Variants in OLA1 observed in about 807,000 individuals in gnomAD.
OLA1 encodes obg-like ATPase 1.
A neutral mutation model predicts 48.4 loss-of-function variants in OLA1; 14 were observed. The observed-to-expected ratio is 0.29, with a 90% confidence interval of 0.19 to 0.45. The LOEUF is 0.45. Among genes scored for constraint, OLA1 ranks in the 20% least tolerant of loss-of-function variants. The pLI, the probability that OLA1 is intolerant of heterozygous loss-of-function variation, is 1.00. For missense variants in OLA1, 325 were observed against 467.1 expected (o/e 0.70, Z 2.80); for synonymous variants, 127 against 150.4 (o/e 0.84, Z 1.14).
chr2:174,082,413 TA>T (rs1382809710), intron 7 of OLA1, among the ~76,000 whole-genome samples: 1 of 152,158 alleles, frequency 6.6e-6, no homozygotes, highest in African/African-American at 2.4e-5. Flanking sequence ...CTTTACAAAG[TA>T]AATTTTTAAA....
chr2:174,222,088 T>C (rs1018610558), intron 4 of OLA1, among the ~76,000 whole-genome samples: 7 of 152,162 alleles, frequency 4.6e-5, no homozygotes, highest in African/African-American at 1.7e-4. Context: ...ATTGCAGTTT[T>C]GGGCATTATG....
rs1190966016 is a variant in OLA1, at chr2:174,074,902, G to A, written c.*524C>T. On this transcript the variant is annotated 3_prime_UTR_variant, in exon 11 of 11. Transcript: ENST00000284719. ...GCTGCCCCACACTGCCAGTTACTGT[G>A]TCATACACACGCCTTAAAATTCTGT... 6.5e-6 allele frequency: 1 copy of A among 153,782 alleles called. No homozygotes were observed. Among genetic ancestry groups the A allele is most frequent in the Non-Finnish European group, 1.4e-5 (1 of 68,982 alleles). The allele number at this position is 153,782 out of a possible 1,614,324, so 9.5% of individuals were successfully genotyped here.
At chr2:174,235,633 C>T (rs1156782594) in intron 2 of OLA1, among the ~76,000 whole-genome samples, 3 of 152,134 alleles carry the variant, frequency 2.0e-5, no homozygotes, top group Non-Finnish European at 2.9e-5. Flanking sequence ...ACCAACAGAA[C>T]CCAGTAGTCA....
intron 4 of OLA1, among the ~76,000 whole-genome samples, chr2:174,205,015 A>G (rs1031163092): frequency 1.3e-5 from 2 of 152,196 alleles, no homozygotes; most frequent in African/African-American, 2.4e-5. Flanking sequence ...CAGCACCATA[A>G]GTATATAAAC....
chr2:174,190,944 CAAAAAAAAAAA>C (rs774971306), intron 4 of OLA1, among the ~76,000 whole-genome samples: 1 of 32,908 alleles, frequency 3.0e-5, no homozygotes, highest in African/African-American at 1.3e-4. Flanking sequence ...GACTTCGTCT[CAAAAAAAAAAA>C]AAAAAAAAAA....
intron 9 of OLA1, 39 bp downstream of exon 9, chr2:174,081,113 T>G: frequency 6.6e-7 from 1 of 1,510,898 alleles, no homozygotes; most frequent in South Asian, 1.1e-5. Flanking sequence ...TTCAATAGTG[T>G]GGAACTGGAT....
In OLA1 at chr2:174,109,295, A is replaced by G. The variant is rs904214566; in HGVS notation, c.728+13885T>C. 5.3e-5 allele frequency among the ~76,000 whole-genome samples: 8 copies of G among 152,214 alleles called. No homozygotes were observed. The East Asian group carries it at 1.5e-3, about 29-fold the overall frequency. ...CTGACAAAACTTCCCAGTCTACCCC[A>G]CTGGTCTTTAAGCTATATATGCAAA... On this transcript the variant is annotated intron_variant, in intron 7 of 10. Transcript: ENST00000284719.
At chr2:174,139,822 G>A (rs1472414195) in intron 5 of OLA1, among the ~76,000 whole-genome samples, 1 of 140,952 alleles carries the variant, frequency 7.1e-6, no homozygotes, top group Non-Finnish European at 1.5e-5. Context: ...CCGAGATAGT[G>A]CCACTGAACT....
At chr2:174,154,213 C>T (rs1296273668) in intron 4 of OLA1, among the ~76,000 whole-genome samples, 4 of 152,124 alleles carry the variant, frequency 2.6e-5, no homozygotes, top group African/African-American at 7.2e-5. Context: ...GCCCTACTTC[C>T]AATATTGAGC....
chr2:174,078,923 T>C, intron 10 of OLA1, 45 bp downstream of exon 10: 1 of 1,561,970 alleles, frequency 6.4e-7, no homozygotes, highest in Non-Finnish European at 8.7e-7. Context: ...TAACTTCGCA[T>C]CAGTGGAAAC....
intron 4 of OLA1, among the ~76,000 whole-genome samples, chr2:174,157,478 T>A (rs771417770): frequency 2.6e-5 from 4 of 152,172 alleles, no homozygotes; most frequent in Non-Finnish European, 5.9e-5. Flanking sequence ...CATGTACAGG[T>A]TTTGATGAAA....
chr2:174,143,089 T>G (rs1686497344), intron 4 of OLA1, among the ~76,000 whole-genome samples: 1 of 152,200 alleles, frequency 6.6e-6, no homozygotes, highest in Non-Finnish European at 1.5e-5. Flanking sequence ...AGTTATAAAT[T>G]GTTTTTAAAT....
intron 2 of OLA1, among the ~76,000 whole-genome samples, chr2:174,243,719 A>G (rs138737259): frequency 1.3e-5 from 2 of 152,334 alleles, no homozygotes; most frequent in African/African-American, 4.8e-5. Context: ...TATATAAAGT[A>G]CTCAAAATAG....
chr2:174,175,105 A>G (rs1365637530), intron 4 of OLA1, among the ~76,000 whole-genome samples: 1 of 152,078 alleles, frequency 6.6e-6, no homozygotes, highest in Non-Finnish European at 1.5e-5. Context: ...ATGCAAAATT[A>G]ACTAGAAAGA....
At chr2:174,191,999 T>A (rs1366542365) in intron 4 of OLA1, among the ~76,000 whole-genome samples, 1 of 152,184 alleles carries the variant, frequency 6.6e-6, no homozygotes, top group Non-Finnish European at 1.5e-5. Flanking sequence ...TGGACTAAAA[T>A]CTACCATCTT....
At chr2:174,126,296 A>G (rs1686041529) in intron 5 of OLA1, among the ~76,000 whole-genome samples, 1 of 152,088 alleles carries the variant, frequency 6.6e-6, no homozygotes, top group Non-Finnish European at 1.5e-5. Context: ...CGATGATTAG[A>G]ACAATAAAAG....
At chr2:174,204,294 G>A (rs146094405) in intron 4 of OLA1, among the ~76,000 whole-genome samples, 1,660 of 152,026 alleles carry the variant, frequency 0.011, 16 homozygotes, top group Non-Finnish European at 0.018. Flanking sequence ...CCAGCTACTC[G>A]GGAGGCTGAC....
intron 9 of OLA1, among the ~76,000 whole-genome samples, chr2:174,080,106 A>C (rs1289030081): frequency 1.3e-5 from 2 of 152,080 alleles, no homozygotes; most frequent in Non-Finnish European, 2.9e-5. Context: ...TTTAAAATCT[A>C]TATAAAAGGA....
intron 4 of OLA1, among the ~76,000 whole-genome samples, chr2:174,157,612 G>A (rs1367125149): frequency 6.6e-6 from 1 of 152,080 alleles, no homozygotes; most frequent in Non-Finnish European, 1.5e-5. Context: ...CATGGGACAG[G>A]TATTAATCAG....
Sources: gnomAD v4.1 joint callset for allele counts (sites outside exome capture counted in the v4.1 genomes callset) on GRCh38, gnomAD v4.1.1 for gene constraint, MANE v1.5 for transcripts, NCBI Gene and HGNC (gene_info 2026-07-23, HGNC 2026-07-21) for gene names.